Variants in KLF12 observed in about 807,000 individuals in gnomAD.
KLF12 encodes the protein KLF transcription factor 12.
KLF12 carries 9 observed loss-of-function variants against 37.8 expected under a neutral mutation model. The ratio of observed to expected loss-of-function variants is 0.24; its 90% confidence interval spans 0.14 to 0.42. The LOEUF (loss-of-function observed/expected upper bound fraction) is 0.42, where lower values mean the gene tolerates loss of function less well. Ranked by LOEUF, KLF12 falls within the 10% of genes least tolerant of loss-of-function variation. The pLI is 1.00. For synonymous variants in KLF12, 208 were observed against 202.1 expected (o/e 1.03, Z -0.25); for missense variants, 411 against 516.0 (o/e 0.80, Z 1.97).
chr13:74,174,010 C>T, the KLF12 span, among the ~76,000 whole-genome samples: 16 of 152,104 alleles, frequency 1.1e-4, no homozygotes, highest in African/African-American at 2.2e-4. Flanking sequence ...ACACAGCCAA[C>T]GATCTTTTCT....
intron 5 of KLF12, among the ~76,000 whole-genome samples, chr13:73,785,186 G>A (rs936569711): frequency 6.6e-6 from 1 of 150,922 alleles, no homozygotes; most frequent in Non-Finnish European, 1.5e-5. Flanking sequence ...CACAATCACA[G>A]CTCACTGAAG....
At chr13:74,027,855 T>C (rs1223417394) in intron 1 of KLF12, among the ~76,000 whole-genome samples, 1 of 152,180 alleles carries the variant, frequency 6.6e-6, no homozygotes, top group Non-Finnish European at 1.5e-5. Flanking sequence ...AAGAGTCTTT[T>C]TAATTTAGTT....
At chr13:73,790,891 C>T (rs944971820) in intron 5 of KLF12, among the ~76,000 whole-genome samples, 1 of 152,186 alleles carries the variant, frequency 6.6e-6, no homozygotes, top group Non-Finnish European at 1.5e-5. Context: ...TGGGCTTTCA[C>T]TAAACCATGC....
At chr13:73,735,574 C>A (rs368687684) in intron 6 of KLF12, among the ~76,000 whole-genome samples, 1 of 152,026 alleles carries the variant, frequency 6.6e-6, no homozygotes, top group Non-Finnish European at 1.5e-5. Context: ...GCTGTGGGAA[C>A]CACCTGAGCA....
intron 3 of KLF12, among the ~76,000 whole-genome samples, chr13:73,852,435 T>C (rs553708432): frequency 6.6e-6 from 1 of 152,196 alleles, no homozygotes; most frequent in Admixed American, 6.5e-5. Flanking sequence ...GATATTTGAA[T>C]AAATATTTAA....
intron 6 of KLF12, among the ~76,000 whole-genome samples, chr13:73,750,932 T>C (rs1026071314): frequency 1.3e-5 from 2 of 152,146 alleles, no homozygotes; most frequent in South Asian, 2.1e-4. Flanking sequence ...AGTTATGTGA[T>C]GCAAAGGGCC....
At chr13:73,865,185 T>A (rs773141745) in intron 3 of KLF12, among the ~76,000 whole-genome samples, 1 of 152,168 alleles carries the variant, frequency 6.6e-6, no homozygotes, top group Non-Finnish European at 1.5e-5. Flanking sequence ...TATAATCACA[T>A]TATCTCAGTA....
intron 2 of KLF12, among the ~76,000 whole-genome samples, chr13:73,984,176 C>T (rs1187250664): frequency 1.3e-5 from 2 of 152,186 alleles, no homozygotes; most frequent in African/African-American, 4.8e-5. Flanking sequence ...TGGATTTGAA[C>T]TATCTCAACT....
chr13:73,891,134 A>G (rs1364933684), intron 3 of KLF12, among the ~76,000 whole-genome samples: 1 of 152,186 alleles, frequency 6.6e-6, no homozygotes, highest in Non-Finnish European at 1.5e-5. Flanking sequence ...AGGAAGCAGA[A>G]AGCAGAAAAT....
chr13:74,018,925 A>G (rs906278520), intron 1 of KLF12, among the ~76,000 whole-genome samples: 1 of 152,206 alleles, frequency 6.6e-6, no homozygotes, highest in Non-Finnish European at 1.5e-5. Flanking sequence ...ATTACACTGA[A>G]AAGAACCCAT....
chr13:74,235,453 G>C, the KLF12 span, among the ~76,000 whole-genome samples: 29 of 152,280 alleles, frequency 1.9e-4, 1 homozygote, highest in East Asian at 5.2e-3. Context: ...GCCATGAAGT[G>C]ATTGAATATC....
chr13:74,262,090 A>G, the KLF12 span, among the ~76,000 whole-genome samples: 1 of 152,208 alleles, frequency 6.6e-6, no homozygotes, highest in Middle Eastern at 3.2e-3. Flanking sequence ...TGTGGCTTCC[A>G]GAAGTGGTGT....
At chr13:73,781,053 A>C (rs1289962290) in intron 5 of KLF12, among the ~76,000 whole-genome samples, 1 of 152,238 alleles carries the variant, frequency 6.6e-6, no homozygotes, top group Admixed American at 6.5e-5. Context: ...CGGCCACTCC[A>C]ACCTTCAGCA....
intron 5 of KLF12, among the ~76,000 whole-genome samples, chr13:73,778,771 A>G: frequency 6.6e-6 from 1 of 152,164 alleles, no homozygotes; most frequent in African/African-American, 2.4e-5. Flanking sequence ...TTATGTACCT[A>G]ACCCAAGGTC....
chr13:74,035,220 T>C (rs780886445), intron 1 of KLF12, among the ~76,000 whole-genome samples: 19 of 152,214 alleles, frequency 1.2e-4, no homozygotes, highest in Non-Finnish European at 2.8e-4. Flanking sequence ...TATCCTCCCA[T>C]ATACTTTAAA....
intron 5 of KLF12, among the ~76,000 whole-genome samples, chr13:73,784,631 CTT>C (rs555038538): frequency 7.3e-5 from 10 of 136,806 alleles, no homozygotes; most frequent in East Asian, 4.2e-4. Flanking sequence ...TCCTCATCTC[CTT>C]TTTTTTTTTT....
chr13:74,018,259 T>C (rs1593833850), intron 1 of KLF12, among the ~76,000 whole-genome samples: 2 of 152,272 alleles, frequency 1.3e-5, no homozygotes, highest in South Asian at 4.1e-4. Flanking sequence ...TCTTAAAAAG[T>C]TGATTTCATT....
At position 73,729,638 on chromosome 13, in the gene KLF12, C is replaced by T. The variant is rs116220955; in HGVS notation, c.870-14113G>A. 5.3e-3 allele frequency among the ~76,000 whole-genome samples: 812 copies of T among 152,240 alleles called. 6 individuals carry two copies. The highest frequency in any genetic ancestry group is 0.018 in the African/African-American group (755 of 41,554). On this transcript the variant is annotated intron_variant, in intron 6 of 7. Transcript: ENST00000377669. ...GATGATAATGTTAAACCTCCTGTAC[C>T]ATATTTATTGATGATTAAATATTAT...
At chr13:74,105,958 T>C (rs942012964) in intron 1 of KLF12, among the ~76,000 whole-genome samples, 1 of 152,172 alleles carries the variant, frequency 6.6e-6, no homozygotes, top group Non-Finnish European at 1.5e-5. Flanking sequence ...AAGGTAGCAA[T>C]GACATGGCAA....
Sources: allele counts gnomAD v4.1 joint callset (sites outside exome capture counted in the v4.1 genomes callset), GRCh38; gene constraint gnomAD v4.1.1; transcripts MANE v1.5; gene names NCBI Gene and HGNC (gene_info 2026-07-23, HGNC 2026-07-21).